Variants in HDAC1 observed in about 807,000 individuals in gnomAD.
The protein encoded by HDAC1 is protein deacetylase HDAC1.
Under a neutral mutation model 65.5 loss-of-function variants are expected in HDAC1, and 18 were observed. The observed-to-expected ratio is 0.27, with a 90% CI of 0.19 to 0.41. HDAC1 has a LOEUF of 0.41. Ranked by LOEUF, HDAC1 falls within the 10% of genes least tolerant of loss-of-function variation. HDAC1 has a pLI of 1.00. For missense variants in HDAC1, 373 were observed against 625.2 expected (o/e 0.60, Z 4.30); for synonymous variants, 211 against 227.9 (o/e 0.93, Z 0.67).
At chr1:32,306,449 C>T (rs185381638) in intron 2 of HDAC1, among the ~76,000 whole-genome samples, 136 of 152,160 alleles carry the variant, frequency 8.9e-4, no homozygotes, top group Non-Finnish European at 1.1e-3. Context: ...TGAGCCATGG[C>T]GCCCGGCCTC....
At chr1:32,301,175 G>A (rs1013105725) in intron 1 of HDAC1, among the ~76,000 whole-genome samples, 8 of 152,054 alleles carry the variant, frequency 5.3e-5, no homozygotes, top group African/African-American at 1.7e-4. Context: ...GGCCGGGCGC[G>A]GTGGCTCATG....
chr1:32,297,312 C>A (rs535453502), intron 1 of HDAC1, among the ~76,000 whole-genome samples: 1 of 152,060 alleles, frequency 6.6e-6, no homozygotes, highest in African/African-American at 2.4e-5. Context: ...GAGGCCAAGG[C>A]GGAAGGATCA....
intron 3 of HDAC1, among the ~76,000 whole-genome samples, chr1:32,317,303 C>T (rs529652170): frequency 6.6e-6 from 1 of 152,130 alleles, no homozygotes; most frequent in Non-Finnish European, 1.5e-5. Flanking sequence ...AACTTCAGAG[C>T]AGGTCCCATC....
rs375253880 is a variant in HDAC1, at chr1:32,292,217, C to T, written c.48C>T (p.Asp16=). 5.8e-6 allele frequency: 9 copies of T among 1,548,646 alleles called. No individual in the cohort carries two copies. Among genetic ancestry groups the T allele is most frequent in the Non-Finnish European group, 7.9e-6 (9 of 1,146,328 alleles). The part of the protein sequence containing the change: ...GTRRKVCYYY[D]GDVGNYYYGQ... ...GGAGGAAAGTCTGTTACTACTACGACGGTGAGCACCGTCCTCGCGGCGGGG... is the reference window on the plus strand; with the variant it reads ...GGAGGAAAGTCTGTTACTACTACGATGGTGAGCACCGTCCTCGCGGCGGGG... The change falls in exon 1 of 14, where the codon GAC becomes GAT. Residue 16 remains aspartate, a splice_region_variant and synonymous_variant. Coordinates refer to ENST00000373548, the MANE Select transcript of HDAC1 (RefSeq NM_004964.3).
intron 3 of HDAC1, among the ~76,000 whole-genome samples, chr1:32,320,899 CAAAA>C (rs1160071616): frequency 4.3e-5 from 1 of 23,384 alleles, no homozygotes; most frequent in Admixed American, 6.3e-4. Flanking sequence ...GACTCCATCT[CAAAA>C]AAAAAAAAAA....
chr1:32,316,583 A>G (rs1641067376), intron 2 of HDAC1, 82 bp from the exon 3 acceptor site: 3 of 792,150 alleles, frequency 3.8e-6, no homozygotes, highest in Admixed American at 1.9e-5. Flanking sequence ...CATGCTGCGC[A>G]GGAAATATAA....
chr1:32,300,393 C>T (rs146220544), intron 1 of HDAC1, among the ~76,000 whole-genome samples: 1 of 151,934 alleles, frequency 6.6e-6, no homozygotes, highest in African/African-American at 2.4e-5. Flanking sequence ...CCCACCTCTA[C>T]TAAATATGAA....
intron 3 of HDAC1, among the ~76,000 whole-genome samples, chr1:32,322,620 G>A (rs530014432): frequency 6.6e-6 from 1 of 152,250 alleles, no homozygotes; most frequent in Non-Finnish European, 1.5e-5. Flanking sequence ...GTTCCTCTAG[G>A]TCTGTGAGTC....
rs558570959 is a variant in HDAC1 at position 32,315,740 on chromosome 1, C to A, written c.163-925C>A. Among the ~76,000 whole-genome samples, 5 of 150,108 alleles carry A rather than the reference C, an allele frequency of 3.3e-5. No individual in the cohort carries two copies. In the South Asian group the frequency reaches 1.1e-3, roughly 32 times the overall value. On this transcript the variant is annotated intron_variant, in intron 2 of 13. Coordinates refer to ENST00000373548, the MANE Select transcript of HDAC1 (RefSeq NM_004964.3). ...CAGCACTTTGGGAGGCCGAGGAGGG[C>A]GGATCACCTGAGGTCAGGAGTTCGA...
At chr1:32,323,672 A>C (rs931885363) in intron 3 of HDAC1, among the ~76,000 whole-genome samples, 3 of 152,126 alleles carry the variant, frequency 2.0e-5, no homozygotes, top group Non-Finnish European at 4.4e-5. Flanking sequence ...TGCTGGGATT[A>C]CAGGTGTGAG....
chr1:32,313,730 C>T (rs1363006839), intron 2 of HDAC1, among the ~76,000 whole-genome samples: 1 of 152,168 alleles, frequency 6.6e-6, no homozygotes, highest in Non-Finnish European at 1.5e-5. Context: ...TGCATATTCT[C>T]CCCATGTCTG....
Position 32,330,799 on chromosome 1 carries a change from C to T in HDAC1, c.870C>T (p.Ser290=), listed in dbSNP as rs767482750. The change falls in exon 9 of 14, where the codon AGC becomes AGT. Residue 290 remains serine (S), a synonymous_variant. Coordinates refer to ENST00000373548, the MANE Select transcript of HDAC1 (RefSeq NM_004964.3). This position sits in a 1 kb window ranked among gnomAD's most constrained non-coding sequence, Gnocchi z 4.2. The stretch of plus-strand genomic sequence containing the variant: ...CCAAGTGTGTGGAATTTGTCAAGAG[C>T]TTTAACCTGCCTATGCTGATGCTGG... The part of the protein sequence containing the change: ...GHAKCVEFVK[S]FNLPMLMLGG... The T allele has an allele frequency of 6.8e-6, 11 of 1,614,162 alleles. No individual in the cohort carries two copies. Among genetic ancestry groups the T allele is most frequent in the Non-Finnish European group, 9.3e-6 (11 of 1,180,020 alleles).
rs572365661 is a variant in HDAC1, at chr1:32,327,422, T to G, written c.495-114T>G. On this transcript the variant is annotated intron_variant, in intron 5 of 13. Transcript: ENST00000373548. This position sits in a 1 kb window ranked among gnomAD's most constrained non-coding sequence, Gnocchi z 6.0. ...TTCCTTCAGCCAGTTTCCACGTCTC[T>G]GGTGCTTAGAGATACCTGAGGGAGG... 1 of 814,592 alleles carries G rather than the reference T, an allele frequency of 1.2e-6. No homozygotes were observed. Among genetic ancestry groups the G allele is most frequent in the Non-Finnish European group, 2.1e-6 (1 of 484,488 alleles). 50.5% of individuals were successfully genotyped at this position (814,592 alleles called of 1,614,324 possible). A position where few individuals can be genotyped will look rare whatever the true frequency, so the allele number is the denominator to read the frequency against.
chr1:32,326,862 A>C, intron 4 of HDAC1, 77 bp from the exon 5 acceptor site: 1 of 1,541,034 alleles, frequency 6.5e-7, no homozygotes, highest in Non-Finnish European at 8.9e-7. Context: ...TTAACCTTTC[A>C]CTAGGTTCCC....
chr1:32,314,753 G>A (rs558800992), intron 2 of HDAC1, among the ~76,000 whole-genome samples: 1 of 150,456 alleles, frequency 6.6e-6, no homozygotes, highest in Admixed American at 6.6e-5. Flanking sequence ...GTGAACCTGG[G>A]AGACAGAGCT....
chr1:32,326,916 A>G (rs2148070223), intron 4 of HDAC1, 23 bp from the exon 5 acceptor site: 1 of 1,613,144 alleles, frequency 6.2e-7, no homozygotes, highest in Non-Finnish European at 8.5e-7. Context: ...TAACAGGCTT[A>G]TGTTCTCTTT....
intron 2 of HDAC1, among the ~76,000 whole-genome samples, chr1:32,305,227 C>A (rs552015385): frequency 6.6e-6 from 1 of 152,214 alleles, no homozygotes; most frequent in South Asian, 2.1e-4. Context: ...TAAATGTATT[C>A]TAGTCTGTTA....
intron 3 of HDAC1, among the ~76,000 whole-genome samples, chr1:32,321,865 T>G (rs1483261322): frequency 1.3e-5 from 2 of 151,720 alleles, no homozygotes; most frequent in African/African-American, 4.9e-5. Context: ...GAGAGGGAAA[T>G]CAGTTGCCAA....
In HDAC1 at chr1:32,329,177, A is replaced by G. The variant is rs1216282614; in HGVS notation, c.729+17A>G. On this transcript the variant is annotated intron_variant, in intron 7 of 13. Coordinates refer to ENST00000373548, the MANE Select transcript of HDAC1 (RefSeq NM_004964.3). The surrounding 1 kb of genome is among the most constrained non-coding windows in gnomAD (Gnocchi z 4.1). ...TTCAAGCCGGTAAGTGGCTTTATCC[A>G]CCCCTTGGGCTACAAACAGGGGATT... The G allele has an allele frequency of 2.0e-6, 3 of 1,485,880 alleles. No individual in the cohort carries two copies. In the Admixed American group the frequency reaches 5.0e-5, roughly 25 times the overall value. The allele number at this position is 1,485,880 out of a possible 1,614,324, so 92.0% of individuals were successfully genotyped here.
Sources: allele counts gnomAD v4.1 joint callset (sites outside exome capture counted in the v4.1 genomes callset), GRCh38; gene constraint gnomAD v4.1.1; non-coding constraint Gnocchi (gnomAD v3.1); transcripts MANE v1.5; gene names NCBI Gene and HGNC (gene_info 2026-07-23, HGNC 2026-07-21).